The following CALY variants were observed in gnomAD, a reference collection of about 807,000 sequenced individuals.
CALY encodes calcyon neuron specific vesicular protein.
In CALY, 15 loss-of-function variants were observed where a neutral mutation model predicts 20.2. That is an observed-to-expected ratio of 0.74 (90% CI 0.50 to 1.14). CALY has a LOEUF of 1.14. Among genes scored for constraint, CALY ranks in the 50% most tolerant of loss-of-function variants. The probability of loss-of-function intolerance (pLI) is 0.00; values close to 1 mark genes in which losing one functional copy is unlikely to be tolerated. For synonymous variants in CALY, 129 were observed against 131.8 expected, an observed-to-expected ratio of 0.98 and a Z score of 0.15; for missense variants, 270 against 304.4, an observed-to-expected ratio of 0.89 and a Z score of 0.84.
chr10:133,327,951 A>C lies in CALY; in HGVS notation c.200T>G (p.Leu67Arg). The C allele has an allele frequency of 6.2e-7, 1 of 1,613,150 alleles. No individual in the cohort carries two copies. Among genetic ancestry groups the C allele is most frequent in the South Asian group, 1.1e-5 (1 of 90,826 alleles). Reference protein sequence around the residue: ...SSPDQQNFPDLEGQRLNCSHP... With the variant: ...SSPDQQNFPDREGQRLNCSHP... ...GCTGCAGTTCAGCCTCTGGCCCTCC[A>C]GGTCAGGGAAATTCTGCTGGTCTGG... Residue 67 changes from leucine (L) to arginine (R), a missense_variant, in exon 3 of 6, where the codon CTG becomes CGG. Transcript: ENST00000252939.
At chr10:133,333,464 G>C (rs1377029303) in intron 1 of CALY, among the ~76,000 whole-genome samples, 1 of 148,554 alleles carries the variant, frequency 6.7e-6, no homozygotes, top group Non-Finnish European at 1.5e-5. Flanking sequence ...GGATCCGAAG[G>C]GGTAAGGATA....
intron 2 of CALY, 137 bp from the exon 3 acceptor site, chr10:133,328,152 T>TG: frequency 3.1e-6 from 2 of 643,932 alleles, no homozygotes; most frequent in Admixed American, 5.6e-5. Context: ...GACTGTCTGG[T>TG]GGATGGCAGG....
Position 133,325,938 on chromosome 10 carries a change from C to T in CALY, c.543G>A (p.Gln181=). The change falls in exon 5 of 6, where the codon CAG becomes CAA. Residue 181 remains glutamine (Q), a synonymous_variant. Transcript: ENST00000252939. ...AAKEERKGPT[Q]AGAAAAATEP... is the part of the protein sequence containing the mutation. ...CGGTGGCCGCCGCCGCCGCCCCAGC[C>T]TGGGTGGGCCCCTTGCGCTCCTCCT... The T allele has an allele frequency of 4.4e-6, 6 of 1,376,726 alleles. No homozygotes were observed. Among genetic ancestry groups the T allele is most frequent in the Non-Finnish European group, 5.7e-6 (6 of 1,055,550 alleles). 85.3% of individuals were successfully genotyped at this position (1,376,726 alleles called of 1,614,324 possible). A position where few individuals can be genotyped will look rare whatever the true frequency, so the allele number is the denominator to read the frequency against.
intron 1 of CALY, among the ~76,000 whole-genome samples, chr10:133,330,818 A>C (rs888027004): frequency 6.6e-6 from 1 of 151,612 alleles, no homozygotes; most frequent in African/African-American, 2.4e-5. Flanking sequence ...CCAGCTCCTG[A>C]GGCCAACGTA....
At position 133,325,520 on chromosome 10, in the gene CALY, C is replaced by G. The variant is rs1325788139; in HGVS notation, c.*75G>C. 8.7e-6 allele frequency: 2 copies of G among 230,978 alleles called. No individual in the cohort carries two copies. Among genetic ancestry groups the G allele is most frequent in the Non-Finnish European group, 1.7e-5 (2 of 120,064 alleles). The allele number at this position is 230,978 out of a possible 1,614,324, so 14.3% of individuals were successfully genotyped here. A position where few individuals can be genotyped will look rare whatever the true frequency, so the allele number is the denominator to read the frequency against. The stretch of plus-strand genomic sequence containing the variant: ...AGGGCGCCTGGGGACACGAACACGG[C>G]GGAGAGCATCGGGAGACGCGCTGGT... On this transcript the variant is annotated 3_prime_UTR_variant, in exon 6 of 6. Transcript: ENST00000252939.
intron 1 of CALY, among the ~76,000 whole-genome samples, chr10:133,330,350 CAAAAAAAAAAAA>C (rs59986083): frequency 1.1e-4 from 4 of 36,782 alleles, no homozygotes; most frequent in South Asian, 1.5e-3. Context: ...GAAACTCTGC[CAAAAAAAAAAAA>C]AAAAAAAAAA....
At chr10:133,326,801 C>A (rs1190544104) in intron 4 of CALY, 77 bp downstream of exon 4, 1 of 906,690 alleles carries the variant, frequency 1.1e-6, no homozygotes, top group East Asian at 2.6e-5. Flanking sequence ...GCAGGAGACA[C>A]CCCTGCCACC....
At chr10:133,326,538 C>T (rs568839665) in intron 4 of CALY, among the ~76,000 whole-genome samples, 2 of 151,968 alleles carry the variant, frequency 1.3e-5, no homozygotes, top group Admixed American at 6.6e-5. Flanking sequence ...AAATATCTGC[C>T]AAATAGGTGG....
chr10:133,326,855 C>A (rs760053903), intron 4 of CALY, 23 bp downstream of exon 4: 18 of 1,532,816 alleles, frequency 1.2e-5, no homozygotes, highest in South Asian at 3.5e-5. Context: ...CTACACCCCC[C>A]ACCAGAGCCC....
intron 3 of CALY, among the ~76,000 whole-genome samples, 169 bp from the exon 4 acceptor site, chr10:133,327,160 G>A (rs1295301988): frequency 6.6e-6 from 1 of 152,218 alleles, no homozygotes; most frequent in African/African-American, 2.4e-5. Context: ...GGTCAAGTGT[G>A]CAGGCGTCAC....
rs1383669832 is a variant in CALY at position 133,324,647 on chromosome 10, G to T, written c.*948C>A. 9 of 356,310 alleles carry T rather than the reference G, an allele frequency of 2.5e-5. No individual in the cohort carries two copies. Among genetic ancestry groups the T allele is most frequent in the Non-Finnish European group, 4.9e-5 (9 of 183,086 alleles). The allele number at this position is 356,310 out of a possible 1,614,324, so 22.1% of individuals were successfully genotyped here. ...GCTGCTGGCTGGGGTGGGCGGGGCT[G>T]CAGAGCTGCTGCTGGCTGGGGTGGT... is the stretch of plus-strand genomic sequence containing the variant. On this transcript the variant is annotated 3_prime_UTR_variant, in exon 6 of 6. Coordinates refer to ENST00000252939, the MANE Select transcript of CALY (RefSeq NM_015722.4).
chr10:133,329,098 G>A, intron 1 of CALY, 89 bp from the exon 2 acceptor site: 1 of 1,144,668 alleles, frequency 8.7e-7, no homozygotes, highest in Non-Finnish European at 1.2e-6. Context: ...CCCTGAGCTG[G>A]GCCTAATGCT....
At chr10:133,330,350 CA>C (rs59986083) in intron 1 of CALY, among the ~76,000 whole-genome samples, 1,149 of 36,436 alleles carry the variant, frequency 0.032, no homozygotes, top group Middle Eastern at 0.042. Flanking sequence ...GAAACTCTGC[CA>C]AAAAAAAAAA....
At chr10:133,336,077 C>T (rs1410641867) in intron 1 of CALY, among the ~76,000 whole-genome samples, 1 of 152,110 alleles carries the variant, frequency 6.6e-6, no homozygotes, top group Non-Finnish European at 1.5e-5. Context: ...GGCACCAGCG[C>T]GTGTGACTGC....
At chr10:133,327,854 C>T in intron 3 of CALY, 51 bp downstream of exon 3, 1 of 1,280,800 alleles carries the variant, frequency 7.8e-7, no homozygotes, top group Non-Finnish European at 1.1e-6. Flanking sequence ...CTGCCTTCCA[C>T]CTTCTCCTCC....
intron 1 of CALY, 52 bp from the exon 2 acceptor site, chr10:133,329,061 A>C (rs1352068761): frequency 2.1e-5 from 31 of 1,442,652 alleles, no homozygotes; most frequent in Non-Finnish European, 2.8e-5. Context: ...CTGGATGCCC[A>C]CGCCAGCTGG....
chr10:133,326,226 T>G (rs1848207158), intron 4 of CALY, 106 bp from the exon 5 acceptor site: 1 of 1,551,110 alleles, frequency 6.4e-7, no homozygotes, highest in African/African-American at 1.4e-5. Context: ...CAGTTTGTAA[T>G]GGAGCCATGG....
chr10:133,331,521 T>C (rs1176562395), intron 1 of CALY, among the ~76,000 whole-genome samples: 1 of 152,170 alleles, frequency 6.6e-6, no homozygotes, highest in Admixed American at 6.6e-5. Context: ...TCAATTTAAA[T>C]AATATCAAAA....
intron 1 of CALY, among the ~76,000 whole-genome samples, chr10:133,335,574 G>A (rs1021406143): frequency 2.0e-5 from 3 of 152,164 alleles, no homozygotes; most frequent in African/African-American, 7.2e-5. Context: ...CCAGCGCCCC[G>A]GGCGGAATGC....
Sources: gnomAD v4.1 joint callset for allele counts (sites outside exome capture counted in the v4.1 genomes callset) on GRCh38, gnomAD v4.1.1 for gene constraint, MANE v1.5 for transcripts, NCBI Gene and HGNC (gene_info 2026-07-23, HGNC 2026-07-21) for gene names.